CTNNA2: variants seen among roughly 807,000 people sequenced by gnomAD.
The protein encoded by CTNNA2 is catenin alpha-2.
CTNNA2 carries 42 observed loss-of-function variants against 101.0 expected under a neutral mutation model. That is an observed-to-expected ratio of 0.42 (90% confidence interval 0.32 to 0.54). The LOEUF is 0.54. Among genes scored for constraint, CTNNA2 ranks in the 20% least tolerant of loss-of-function variants. The pLI is 0.14. For missense variants in CTNNA2, 871 were observed against 1,223.1 expected (o/e 0.71, Z 4.29); for synonymous variants, 450 against 456.4 (o/e 0.99, Z 0.18).
At chr2:80,273,374 G>A (rs181286358) in intron 7 of CTNNA2, among the ~76,000 whole-genome samples, 23 of 152,138 alleles carry the variant, frequency 1.5e-4, no homozygotes, top group African/African-American at 5.3e-4. Flanking sequence ...TAACAAGCTG[G>A]TCCAGGACAC....
At chr2:79,593,330 T>C (rs1330197966) in intron 1 of CTNNA2, among the ~76,000 whole-genome samples, 1 of 152,196 alleles carries the variant, frequency 6.6e-6, no homozygotes, top group African/African-American at 2.4e-5. Flanking sequence ...CTGGGATACA[T>C]TGCTACAGTT....
chr2:79,890,868 A>G (rs1359778145), intron 6 of CTNNA2, among the ~76,000 whole-genome samples: 1 of 139,524 alleles, frequency 7.2e-6, no homozygotes, highest in African/African-American at 2.6e-5. Context: ...CTGTGCTTCA[A>G]AGGTGATGCC....
At chr2:79,916,127 G>T (rs1686186551) in intron 7 of CTNNA2, among the ~76,000 whole-genome samples, 1 of 152,210 alleles carries the variant, frequency 6.6e-6, no homozygotes, top group Non-Finnish European at 1.5e-5. Context: ...GCAACTCCCT[G>T]AAGTCAGCTT....
rs537856100 is a variant in CTNNA2, at chr2:79,385,574, G to A, written c.-135+11561G>A. 5.9e-5 allele frequency among the ~76,000 whole-genome samples: 9 copies of A among 151,876 alleles called. No individual in the cohort carries two copies. In the South Asian group the frequency reaches 1.2e-3, roughly 21 times the overall value. ...ATACAAGTGCAGAATGTGCAGGTTT[G>A]TTACATAGCTATATATGTGCCATGG... On this transcript the variant is annotated intron_variant, in intron 4 of 21. Coordinates refer to the CTNNA2 transcript ENST00000466387.
At chr2:79,994,286 G>A (rs570727510) in intron 7 of CTNNA2, among the ~76,000 whole-genome samples, 3 of 152,268 alleles carry the variant, frequency 2.0e-5, no homozygotes, top group East Asian at 1.9e-4. Flanking sequence ...CCACAGACCC[G>A]TCCTGGGAAC....
intron 1 of CTNNA2, among the ~76,000 whole-genome samples, chr2:79,594,753 T>G (rs1053481370): frequency 6.6e-6 from 1 of 152,144 alleles, no homozygotes; most frequent in Admixed American, 6.5e-5. Flanking sequence ...TTTATATATA[T>G]CTTTAATCTA....
At chr2:80,630,254 AAAC>A (rs1672134938) in intron 18 of CTNNA2, among the ~76,000 whole-genome samples, 1 of 152,240 alleles carries the variant, frequency 6.6e-6, no homozygotes, top group Non-Finnish European at 1.5e-5. Context: ...TACTTTTTAC[AAAC>A]AAGAGTATTG....
chr2:79,765,140 G>C (rs1673054752), intron 3 of CTNNA2, among the ~76,000 whole-genome samples: 1 of 147,614 alleles, frequency 6.8e-6, no homozygotes, highest in Non-Finnish European at 1.5e-5. Flanking sequence ...ACAATGTTTG[G>C]TTTGGTTTGT....
At chr2:79,994,001 T>C (rs1692362204) in intron 7 of CTNNA2, among the ~76,000 whole-genome samples, 1 of 152,152 alleles carries the variant, frequency 6.6e-6, no homozygotes, top group African/African-American at 2.4e-5. Context: ...CCTCCTAGAC[T>C]GAAACGATAC....
chr2:80,089,969 C>T lies in CTNNA2; in HGVS notation c.1056+180172C>T, dbSNP rs140276501. Among the ~76,000 whole-genome samples, 453 of 152,098 alleles carry T rather than the reference C, an allele frequency of 3.0e-3. 3 individuals carry two copies. Among genetic ancestry groups the T allele is most frequent in the African/African-American group, 9.4e-3 (390 of 41,502 alleles). The stretch of plus-strand genomic sequence containing the variant: ...TGATGCCTTCAGGTGTTTTCTGTCA[C>T]CCAGTCAGGGTGTTAAAATGTTGGG... On this transcript the variant is annotated intron_variant, in intron 7 of 18. Coordinates refer to ENST00000402739, the MANE Select transcript of CTNNA2 (RefSeq NM_001282597.3).
At chr2:79,619,356 T>G (rs879656424) in intron 1 of CTNNA2, among the ~76,000 whole-genome samples, 6 of 152,212 alleles carry the variant, frequency 3.9e-5, no homozygotes, top group African/African-American at 7.2e-5. Flanking sequence ...GAGTATTAGC[T>G]CCAGCTGTCC....
At chr2:80,319,428 A>C (rs189560118) in intron 7 of CTNNA2, among the ~76,000 whole-genome samples, 7 of 152,324 alleles carry the variant, frequency 4.6e-5, no homozygotes, top group Admixed American at 6.5e-5. Flanking sequence ...TTCATTACAT[A>C]ATATGGCGAA....
At chr2:79,593,206 C>T (rs1676973504) in intron 1 of CTNNA2, among the ~76,000 whole-genome samples, 1 of 152,188 alleles carries the variant, frequency 6.6e-6, no homozygotes, top group Admixed American at 6.5e-5. Context: ...AGTTGAATGA[C>T]TCTAATGAGT....
At chr2:79,961,204 G>T (rs1321060602) in intron 7 of CTNNA2, among the ~76,000 whole-genome samples, 4 of 152,170 alleles carry the variant, frequency 2.6e-5, no homozygotes, top group African/African-American at 9.7e-5. Context: ...ATAATGTGCT[G>T]TTCTGTGACA....
intron 7 of CTNNA2, among the ~76,000 whole-genome samples, chr2:80,321,475 G>A (rs1290660264): frequency 6.6e-6 from 1 of 152,220 alleles, no homozygotes; most frequent in Non-Finnish European, 1.5e-5. Flanking sequence ...AGTGAAAGAA[G>A]TAGGTTAGAG....
chr2:80,437,578 G>A (rs910217823), intron 9 of CTNNA2, among the ~76,000 whole-genome samples: 4 of 152,090 alleles, frequency 2.6e-5, no homozygotes, highest in Admixed American at 6.6e-5. Flanking sequence ...CTTATTTACC[G>A]AGTCTAATTA....
intron 2 of CTNNA2, among the ~76,000 whole-genome samples, chr2:79,202,579 G>A (rs1044757285): frequency 2.0e-5 from 3 of 152,066 alleles, no homozygotes; most frequent in African/African-American, 7.2e-5. Flanking sequence ...CTAAATTTCA[G>A]CTCCCTTGGT....
chr2:79,799,640 G>A (rs1214014790), intron 3 of CTNNA2, among the ~76,000 whole-genome samples: 1 of 151,922 alleles, frequency 6.6e-6, no homozygotes. Context: ...GAAAGTGAGA[G>A]AGCAAAAAGA....
intron 7 of CTNNA2, among the ~76,000 whole-genome samples, chr2:80,100,977 A>G (rs1700508123): frequency 6.6e-6 from 1 of 152,200 alleles, no homozygotes; most frequent in Admixed American, 6.5e-5. Flanking sequence ...CTATAAAAAC[A>G]TCCCTTTGTT....
Sources: allele counts gnomAD v4.1 joint callset (sites outside exome capture counted in the v4.1 genomes callset), GRCh38; gene constraint gnomAD v4.1.1; transcripts MANE v1.5; gene names NCBI Gene and HGNC (gene_info 2026-07-23, HGNC 2026-07-21).